Variants in TRPS1 observed in about 807,000 individuals in gnomAD.
TRPS1 encodes transcriptional repressor GATA binding 1.
TRPS1 carries 6 observed loss-of-function variants against 101.2 expected under a neutral mutation model. The observed-to-expected ratio is 0.06, with a 90% CI of 0.03 to 0.12. TRPS1 has a LOEUF of 0.12. TRPS1 is among the 10% of genes least tolerant of loss of function. The pLI is 1.00. For synonymous variants in TRPS1, 578 were observed against 589.8 expected (o/e 0.98, Z 0.29); for missense variants, 1,363 against 1,567.0 (o/e 0.87, Z 2.20).
At chr8:115,478,488 C>T (rs548456555) in intron 5 of TRPS1, among the ~76,000 whole-genome samples, 83 of 152,228 alleles carry the variant, frequency 5.5e-4, no homozygotes, top group Non-Finnish European at 1.1e-3. Context: ...ACAAAGGATA[C>T]GTTAGAAAAT....
chr8:115,459,324 A>AAATAATAAT (rs61516910), intron 5 of TRPS1, among the ~76,000 whole-genome samples: 19,915 of 149,800 alleles, frequency 0.13, 1,834 homozygotes, highest in Non-Finnish European at 0.21. Context: ...ACTCTGTCTC[A>AAATAATAAT]AATAATAATA....
chr8:115,637,205 A>G, intron 1 of TRPS1: 10 of 955,960 alleles, frequency 1.0e-5, no homozygotes, highest in Non-Finnish European at 1.2e-5. Flanking sequence ...GAAACAGAGA[A>G]GAAGCTAGGT....
chr8:115,412,389 A>G lies in TRPS1; in HGVS notation c.*1634T>C, dbSNP rs1812811491. 1 of 152,506 alleles carries G rather than the reference A, an allele frequency of 6.6e-6. No individual in the cohort carries two copies. The highest frequency in any genetic ancestry group is 2.4e-5 in the African/African-American group (1 of 41,424). 9.4% of individuals were successfully genotyped at this position (152,506 alleles called of 1,614,324 possible). A position where few individuals can be genotyped will look rare whatever the true frequency, so the allele number is the denominator to read the frequency against. ...TAGTTGCTTCATTACCTTGTTTGCT[A>G]CATTTGCAAATGTAAACAGCTAGGC... On this transcript the variant is annotated 3_prime_UTR_variant, in exon 7 of 7. Transcript: ENST00000395715.
intron 1 of TRPS1, among the ~76,000 whole-genome samples, chr8:115,643,062 T>C (rs7004071): frequency 0.13 from 19,363 of 152,068 alleles, 4,192 homozygotes; most frequent in African/African-American, 0.44. Flanking sequence ...AATAGTATTA[T>C]GTTTAAAAAA....
chr8:115,545,497 T>C (rs1305413583), intron 5 of TRPS1, among the ~76,000 whole-genome samples: 1 of 152,160 alleles, frequency 6.6e-6, no homozygotes, highest in Admixed American at 6.6e-5. Flanking sequence ...TATTGGTTGC[T>C]ACAACTTAAC....
chr8:115,432,782 A>G (rs1447406974), intron 5 of TRPS1, among the ~76,000 whole-genome samples: 1 of 151,954 alleles, frequency 6.6e-6, no homozygotes, highest in Non-Finnish European at 1.5e-5. Flanking sequence ...TGACCAAATT[A>G]CTCCACTTAT....
intron 5 of TRPS1, among the ~76,000 whole-genome samples, chr8:115,562,038 CA>C (rs1181024528): frequency 6.6e-6 from 1 of 151,858 alleles, no homozygotes; most frequent in African/African-American, 2.4e-5. Flanking sequence ...GAGTAATAAG[CA>C]GTTATAATAC....
chr8:115,654,489 A>G (rs1811635955), intron 1 of TRPS1, among the ~76,000 whole-genome samples: 1 of 152,230 alleles, frequency 6.6e-6, no homozygotes. Flanking sequence ...GATGCCATCT[A>G]CAGTTTTTCA....
chr8:115,430,698 GT>G (rs1396664389), intron 5 of TRPS1, among the ~76,000 whole-genome samples: 9 of 151,984 alleles, frequency 5.9e-5, no homozygotes, highest in Admixed American at 5.9e-4. Flanking sequence ...GCATACGTTG[GT>G]TATGTATATA....
At chr8:115,662,902 CA>C (rs1222310000) in intron 1 of TRPS1, among the ~76,000 whole-genome samples, 1 of 152,038 alleles carries the variant, frequency 6.6e-6, no homozygotes, top group Non-Finnish European at 1.5e-5. Flanking sequence ...TAAACTTCCA[CA>C]TTTTAGGCTC....
chr8:115,620,488 T>C (rs1385290478), intron 2 of TRPS1, among the ~76,000 whole-genome samples: 2 of 152,192 alleles, frequency 1.3e-5, no homozygotes, highest in Admixed American at 1.3e-4. Flanking sequence ...AATACATATA[T>C]GTGTTTATGG....
At chr8:115,527,964 C>G (rs1382083468) in intron 5 of TRPS1, among the ~76,000 whole-genome samples, 1 of 152,034 alleles carries the variant, frequency 6.6e-6, no homozygotes, top group African/African-American at 2.4e-5. Flanking sequence ...TCTTAGATTT[C>G]AATGGACAGG....
At chr8:115,612,467 A>G (rs1818192322) in intron 3 of TRPS1, among the ~76,000 whole-genome samples, 1 of 152,226 alleles carries the variant, frequency 6.6e-6, no homozygotes, top group Admixed American at 6.5e-5. Flanking sequence ...GGTAACTCCA[A>G]GATTTCCAGC....
chr8:115,565,293 T>A (rs1047296241), intron 5 of TRPS1, among the ~76,000 whole-genome samples: 2 of 152,114 alleles, frequency 1.3e-5, no homozygotes, highest in Non-Finnish European at 2.9e-5. Context: ...TTTAGCAGGC[T>A]ACCCTGCAAG....
In TRPS1 at chr8:115,418,518, A is replaced by G; in HGVS notation, c.2701-66T>C. ...ATGATCAGTGGAGTTAGACCAAATC[A>G]ACCCAGGAGTTTTGTCTTTAAACTA... On this transcript the variant is annotated intron_variant, in intron 5 of 6. Transcript: ENST00000395715. This position sits in a 1 kb window ranked among gnomAD's most constrained non-coding sequence, Gnocchi z 4.3. 6.2e-7 allele frequency: 1 copy of G among 1,611,086 alleles called. No homozygotes were observed. The highest frequency in any genetic ancestry group is 2.2e-5 in the East Asian group (1 of 44,844).
chr8:115,618,268 T>C (rs1818314171), intron 3 of TRPS1, among the ~76,000 whole-genome samples: 6 of 152,098 alleles, frequency 3.9e-5, no homozygotes, highest in Admixed American at 3.9e-4. Context: ...ACTAATACAC[T>C]TTCTCAAGCT....
chr8:115,510,061 T>G (rs1815544102), intron 5 of TRPS1, among the ~76,000 whole-genome samples: 1 of 152,014 alleles, frequency 6.6e-6, no homozygotes, highest in Non-Finnish European at 1.5e-5. Context: ...AGATTTTTAC[T>G]TCCCTGACTC....
At chr8:115,667,829 C>T (rs1421412891) in intron 1 of TRPS1, 1 of 1,534,832 alleles carries the variant, frequency 6.5e-7, no homozygotes, top group South Asian at 1.2e-5. Flanking sequence ...ATACGGAGGC[C>T]CGTCTCTGAG....
intron 5 of TRPS1, among the ~76,000 whole-genome samples, chr8:115,469,653 A>G (rs1814415818): frequency 6.6e-6 from 1 of 151,942 alleles, no homozygotes; most frequent in African/African-American, 2.4e-5. Context: ...AGTAGCTTCC[A>G]CCAGATACCC....
Sources: allele counts gnomAD v4.1 joint callset (sites outside exome capture counted in the v4.1 genomes callset), GRCh38; gene constraint gnomAD v4.1.1; non-coding constraint Gnocchi (gnomAD v3.1); transcripts MANE v1.5; gene names NCBI Gene and HGNC (gene_info 2026-07-23, HGNC 2026-07-21).